CMSS1: variants seen among roughly 807,000 people sequenced by gnomAD.
CMSS1 encodes cms1 ribosomal small subunit homolog.
CMSS1 carries 33 observed loss-of-function variants against 43.5 expected under a neutral mutation model. That is an observed-to-expected ratio of 0.76 (90% CI 0.57 to 1.01). The LOEUF is 1.01. Ranked by LOEUF, CMSS1 falls within the 50% of genes least tolerant of loss-of-function variation. CMSS1 has a pLI of 0.00. For missense variants in CMSS1, 313 were observed against 326.4 expected, an observed-to-expected ratio of 0.96 and a Z score of 0.32; for synonymous variants, 115 against 117.2, an observed-to-expected ratio of 0.98 and a Z score of 0.12.
At chr3:100,061,108 C>A (rs2065557404) in intron 1 of CMSS1, among the ~76,000 whole-genome samples, 1 of 151,304 alleles carries the variant, frequency 6.6e-6, no homozygotes, top group South Asian at 2.1e-4. Flanking sequence ...ACCTTTACTT[C>A]TAATCAAGGC....
chr3:100,135,614 G>A (rs1259949780), intron 1 of CMSS1, among the ~76,000 whole-genome samples: 1 of 151,896 alleles, frequency 6.6e-6, no homozygotes, highest in Non-Finnish European at 1.5e-5. Flanking sequence ...AAGTTGCTGG[G>A]ACTACAGATG....
At chr3:100,116,803 T>C (rs564061546) in intron 1 of CMSS1, among the ~76,000 whole-genome samples, 3 of 152,342 alleles carry the variant, frequency 2.0e-5, no homozygotes, top group Admixed American at 6.5e-5. Context: ...AGAATACTTA[T>C]GTATTTGCTC....
At chr3:99,835,879 A>G (rs1276852440) in intron 1 of CMSS1, among the ~76,000 whole-genome samples, 1 of 152,212 alleles carries the variant, frequency 6.6e-6, no homozygotes, top group African/African-American at 2.4e-5. Context: ...GTAGGATTTT[A>G]GTATGAGGAA....
At chr3:99,901,597 A>G (rs1325169567) in intron 1 of CMSS1, among the ~76,000 whole-genome samples, 17 of 152,336 alleles carry the variant, frequency 1.1e-4, no homozygotes, top group Admixed American at 9.8e-4. Context: ...CAATAATATT[A>G]CATAGTTTAC....
At chr3:100,028,144 A>G (rs1461697338) in intron 1 of CMSS1, among the ~76,000 whole-genome samples, 1 of 152,224 alleles carries the variant, frequency 6.6e-6, no homozygotes, top group Non-Finnish European at 1.5e-5. Context: ...CAGCATGCTA[A>G]TTGCTTTATA....
At chr3:100,100,284 G>C (rs2066282305) in intron 1 of CMSS1, among the ~76,000 whole-genome samples, 1 of 152,126 alleles carries the variant, frequency 6.6e-6, no homozygotes, top group African/African-American at 2.4e-5. Flanking sequence ...AGAATGAGGA[G>C]TCTGTGAAAA....
intron 1 of CMSS1, among the ~76,000 whole-genome samples, chr3:99,975,741 C>T (rs1211554338): frequency 6.6e-6 from 1 of 152,142 alleles, no homozygotes; most frequent in African/African-American, 2.4e-5. Context: ...AGTATATACT[C>T]ATATCAAGGT....
At chr3:100,113,371 A>G (rs974024639) in intron 1 of CMSS1, among the ~76,000 whole-genome samples, 6 of 152,218 alleles carry the variant, frequency 3.9e-5, no homozygotes, top group Non-Finnish European at 4.4e-5. Flanking sequence ...TGATGTGCCC[A>G]TGGATATCCA....
chr3:100,013,457 T>C (rs751363677), intron 1 of CMSS1, among the ~76,000 whole-genome samples: 5 of 151,838 alleles, frequency 3.3e-5, no homozygotes, highest in Non-Finnish European at 7.4e-5. Context: ...TTGGCCAGAC[T>C]GGTCTCAAAC....
intron 1 of CMSS1, among the ~76,000 whole-genome samples, chr3:99,937,230 G>A (rs558443813): frequency 2.6e-5 from 4 of 152,266 alleles, no homozygotes; most frequent in African/African-American, 9.6e-5. Flanking sequence ...GAGCCACCAT[G>A]CCCAGCCTAG....
At chr3:100,005,134 A>G (rs1382038361) in intron 1 of CMSS1, among the ~76,000 whole-genome samples, 3 of 152,210 alleles carry the variant, frequency 2.0e-5, no homozygotes, top group African/African-American at 4.8e-5. Flanking sequence ...ACCAAACCTT[A>G]TCTTACTCAA....
chr3:99,958,543 G>T (rs77211113), intron 1 of CMSS1, among the ~76,000 whole-genome samples: 1 of 152,180 alleles, frequency 6.6e-6, no homozygotes, highest in African/African-American at 2.4e-5. Flanking sequence ...CCACAGAAGG[G>T]TAGGAGGAAT....
intron 1 of CMSS1, among the ~76,000 whole-genome samples, chr3:99,834,331 C>G (rs1429184723): frequency 6.6e-6 from 1 of 152,152 alleles, no homozygotes; most frequent in Non-Finnish European, 1.5e-5. Context: ...AAAGAGTTGT[C>G]CAATATCTGA....
At chr3:100,072,588 G>A (rs1197039294) in intron 1 of CMSS1, among the ~76,000 whole-genome samples, 4 of 152,110 alleles carry the variant, frequency 2.6e-5, no homozygotes, top group Non-Finnish European at 2.9e-5. Flanking sequence ...ACTGTCAACC[G>A]ACCATCGCAC....
intron 1 of CMSS1, among the ~76,000 whole-genome samples, chr3:99,826,633 C>T (rs1942541289): frequency 6.6e-6 from 1 of 152,172 alleles, no homozygotes; most frequent in African/African-American, 2.4e-5. Context: ...TTGTATGTCA[C>T]GTGTCTTCAG....
chr3:99,837,909 G>A (rs1942966182), intron 1 of CMSS1, among the ~76,000 whole-genome samples: 1 of 152,158 alleles, frequency 6.6e-6, no homozygotes, highest in African/African-American at 2.4e-5. Flanking sequence ...TTTTCTGAAA[G>A]TCTTGGGTCA....
In CMSS1 at chr3:99,972,486, GTTA is replaced by G. The variant is rs1708852481; in HGVS notation, c.64+154448_64+154450del. Among the ~76,000 whole-genome samples the G allele has an allele frequency of 7.2e-5, 11 of 152,276 alleles. No individual in the cohort carries two copies. In the South Asian group the frequency reaches 2.3e-3, roughly 32 times the overall value. ...TAATCCATTTTATTTCTCTCCATTAGTTATTATAATAATAACAGATTGGTGACA... is the reference window on the plus strand; with the variant it reads ...TAATCCATTTTATTTCTCTCCATTAGTTATAATAATAACAGATTGGTGACA... On this transcript the variant is annotated intron_variant, in intron 1 of 9. Coordinates refer to ENST00000421999, the MANE Select transcript of CMSS1 (RefSeq NM_032359.4).
At chr3:100,160,760 T>G (rs1275202811) in intron 3 of CMSS1, among the ~76,000 whole-genome samples, 1 of 152,210 alleles carries the variant, frequency 6.6e-6, no homozygotes, top group Non-Finnish European at 1.5e-5. Context: ...GTTTTCAGTG[T>G]GGTCAGATGT....
intron 1 of CMSS1, among the ~76,000 whole-genome samples, chr3:99,994,490 A>G (rs577755708): frequency 3.9e-5 from 6 of 152,346 alleles, no homozygotes; most frequent in South Asian, 2.1e-4. Context: ...AGGCCACAAA[A>G]CAAGTCTTAG....
Sources: allele counts gnomAD v4.1 joint callset (sites outside exome capture counted in the v4.1 genomes callset), GRCh38; gene constraint gnomAD v4.1.1; transcripts MANE v1.5; gene names NCBI Gene and HGNC (gene_info 2026-07-23, HGNC 2026-07-21).